SLC35F1: variants seen among roughly 807,000 people sequenced by gnomAD.
SLC35F1 encodes solute carrier family 35 member F1, also known as chromosome 6 open reading frame 169.
Under a neutral mutation model 48.7 loss-of-function variants are expected in SLC35F1, and 14 were observed. The ratio of observed to expected loss-of-function variants is 0.29; its 90% CI spans 0.19 to 0.45. The LOEUF is 0.45. Ranked by LOEUF, SLC35F1 falls within the 20% of genes least tolerant of loss-of-function variation. The pLI is 1.00. For missense variants in SLC35F1, 404 were observed against 500.0 expected, an observed-to-expected ratio of 0.81 and a Z score of 1.83; for synonymous variants, 190 against 202.2, an observed-to-expected ratio of 0.94 and a Z score of 0.51.
intron 1 of SLC35F1, among the ~76,000 whole-genome samples, chr6:118,055,875 C>A (rs1772456268): frequency 6.6e-6 from 1 of 152,206 alleles, no homozygotes; most frequent in African/African-American, 2.4e-5. Flanking sequence ...ATTATCAGCA[C>A]CTCCTGCTCC....
chr6:118,299,113 C>T (rs879725814), intron 7 of SLC35F1, among the ~76,000 whole-genome samples: 7 of 151,998 alleles, frequency 4.6e-5, no homozygotes, highest in Non-Finnish European at 1.0e-4. Context: ...CCTGGGGGGT[C>T]GAGGCTGCAG....
At chr6:118,123,921 T>C (rs781631717) in intron 1 of SLC35F1, among the ~76,000 whole-genome samples, 6 of 152,132 alleles carry the variant, frequency 3.9e-5, no homozygotes, top group South Asian at 2.1e-4. Flanking sequence ...CCTGCCACTG[T>C]CTTTTGGGAG....
intron 1 of SLC35F1, among the ~76,000 whole-genome samples, chr6:118,013,004 TC>T (rs1338601769): frequency 3.3e-5 from 5 of 151,922 alleles, no homozygotes; most frequent in Admixed American, 1.3e-4. Context: ...GGGTTCTTAT[TC>T]CCCCCTACCC....
chr6:117,957,736 A>G (rs1776445242), intron 1 of SLC35F1, among the ~76,000 whole-genome samples: 1 of 152,154 alleles, frequency 6.6e-6, no homozygotes, highest in Admixed American at 6.5e-5. Flanking sequence ...ACAAGATACT[A>G]CTCATGTGTT....
At chr6:118,044,731 CT>C (rs143613402) in intron 1 of SLC35F1, among the ~76,000 whole-genome samples, 2,209 of 152,282 alleles carry the variant, frequency 0.015, 58 homozygotes, top group African/African-American at 0.05. Context: ...ATAGCTGCAC[CT>C]ACAAAATCTT....
chr6:118,147,365 G>A (rs887196801), intron 1 of SLC35F1, among the ~76,000 whole-genome samples: 1 of 152,118 alleles, frequency 6.6e-6, no homozygotes, highest in Non-Finnish European at 1.5e-5. Context: ...CGGAAACAGG[G>A]GACACAGGGC....
chr6:117,986,566 T>A (rs1423431881), intron 1 of SLC35F1, among the ~76,000 whole-genome samples: 1 of 152,188 alleles, frequency 6.6e-6, no homozygotes, highest in African/African-American at 2.4e-5. Context: ...CTGATTGGCC[T>A]CCATCCAAGC....
chr6:117,959,432 G>C (rs1388357489), intron 1 of SLC35F1, among the ~76,000 whole-genome samples: 1 of 152,108 alleles, frequency 6.6e-6, no homozygotes, highest in African/African-American at 2.4e-5. Context: ...TGTTACAAGG[G>C]CCTTTTGACA....
chr6:118,191,882 T>A (rs1209930181), intron 2 of SLC35F1, among the ~76,000 whole-genome samples: 1 of 152,196 alleles, frequency 6.6e-6, no homozygotes, highest in Non-Finnish European at 1.5e-5. Context: ...CTTTGATTGT[T>A]TTTCCAAGAA....
intron 1 of SLC35F1, among the ~76,000 whole-genome samples, chr6:118,045,296 G>A (rs958884869): frequency 2.0e-5 from 3 of 152,122 alleles, no homozygotes; most frequent in African/African-American, 7.2e-5. Flanking sequence ...ATTTAACAAA[G>A]TGTTCCTAGG....
intron 1 of SLC35F1, among the ~76,000 whole-genome samples, chr6:118,087,821 T>C (rs1001207300): frequency 1.3e-5 from 2 of 152,232 alleles, no homozygotes; most frequent in African/African-American, 4.8e-5. Flanking sequence ...TATGCTAATG[T>C]TATTTAGCTA....
intron 2 of SLC35F1, among the ~76,000 whole-genome samples, chr6:118,197,406 G>T (rs1774816734): frequency 6.6e-6 from 1 of 151,886 alleles, no homozygotes; most frequent in Admixed American, 6.6e-5. Flanking sequence ...TACCTTTATT[G>T]TAAAATACAT....
intron 2 of SLC35F1, among the ~76,000 whole-genome samples, chr6:118,231,964 CGTT>C (rs1307824382): frequency 1.3e-5 from 2 of 152,162 alleles, no homozygotes; most frequent in Admixed American, 6.5e-5. Flanking sequence ...TTTTGTCACA[CGTT>C]GTCTACATTC....
At chr6:118,054,139 T>C (rs1380411294) in intron 1 of SLC35F1, among the ~76,000 whole-genome samples, 3 of 152,232 alleles carry the variant, frequency 2.0e-5, no homozygotes, top group Non-Finnish European at 4.4e-5. Flanking sequence ...TTGATTTACA[T>C]TAATTCATTT....
chr6:118,155,867 A>G (rs1422827988), intron 2 of SLC35F1, among the ~76,000 whole-genome samples: 1 of 152,248 alleles, frequency 6.6e-6, no homozygotes, highest in African/African-American at 2.4e-5. Flanking sequence ...GGAAACATGT[A>G]TAAGACTATC....
At chr6:118,273,739 CT>C (rs1172625423) in intron 4 of SLC35F1, among the ~76,000 whole-genome samples, 9 of 152,286 alleles carry the variant, frequency 5.9e-5, no homozygotes, top group African/African-American at 2.2e-4. Context: ...TCATTAGGGC[CT>C]CATCAGATTC....
intron 1 of SLC35F1, among the ~76,000 whole-genome samples, chr6:118,149,995 T>C (rs189766489): frequency 2.7e-3 from 418 of 152,284 alleles, no homozygotes; most frequent in Non-Finnish European, 2.5e-3. Context: ...GCCACCAAAA[T>C]AGTAGTATAG....
At chr6:118,122,007 T>C (rs1773558874) in intron 1 of SLC35F1, among the ~76,000 whole-genome samples, 1 of 152,108 alleles carries the variant, frequency 6.6e-6, no homozygotes, top group South Asian at 2.1e-4. Context: ...TTCAAAGTTA[T>C]ATATTTTTTA....
At chr6:117,975,498 G>A (rs911797237) in intron 1 of SLC35F1, among the ~76,000 whole-genome samples, 1 of 152,060 alleles carries the variant, frequency 6.6e-6, no homozygotes, top group Non-Finnish European at 1.5e-5. Flanking sequence ...TTTCATTTTA[G>A]TATGATCTCC....
Sources: gnomAD v4.1 joint callset for allele counts (sites outside exome capture counted in the v4.1 genomes callset) on GRCh38, gnomAD v4.1.1 for gene constraint, MANE v1.5 for transcripts, NCBI Gene and HGNC (gene_info 2026-07-23, HGNC 2026-07-21) for gene names.